The following PAPPA2 variants were observed in gnomAD, a reference collection of about 807,000 sequenced individuals.
PAPPA2 encodes the protein pappalysin 2.
In PAPPA2, 86 loss-of-function variants were observed where a neutral mutation model predicts 176.4. The observed-to-expected ratio is 0.49, with a 90% CI of 0.41 to 0.58. The LOEUF is 0.58. Among genes scored for constraint, PAPPA2 ranks in the 20% least tolerant of loss-of-function variants. The pLI, the probability that PAPPA2 is intolerant of heterozygous loss-of-function variation, is 0.00. For synonymous variants in PAPPA2, 809 were observed against 852.2 expected, an observed-to-expected ratio of 0.95 and a Z score of 0.88; for missense variants, 2,073 against 2,256.9, an observed-to-expected ratio of 0.92 and a Z score of 1.65.
At chr1:176,681,087 G>C (rs1659565949) in intron 4 of PAPPA2, among the ~76,000 whole-genome samples, 1 of 151,900 alleles carries the variant, frequency 6.6e-6, no homozygotes, top group Non-Finnish European at 1.5e-5. Context: ...GGAAGAGGGA[G>C]GGGGAATAGG....
intron 2 of PAPPA2, among the ~76,000 whole-genome samples, chr1:176,587,513 G>A (rs1007621156): frequency 6.6e-6 from 1 of 152,166 alleles, no homozygotes; most frequent in Non-Finnish European, 1.5e-5. Context: ...ACTATGGCTT[G>A]CCAGTTTTCC....
chr1:176,693,397 G>A (rs1660214149), intron 6 of PAPPA2, among the ~76,000 whole-genome samples: 2 of 152,180 alleles, frequency 1.3e-5, no homozygotes, highest in South Asian at 2.1e-4. Context: ...GTGGAAATTC[G>A]GGAATAAGGA....
intron 1 of PAPPA2, among the ~76,000 whole-genome samples, chr1:176,546,245 C>T (rs1334524859): frequency 2.0e-5 from 3 of 152,110 alleles, no homozygotes. Context: ...TTTTTGCTAC[C>T]CATTTTGATG....
intron 1 of PAPPA2, among the ~76,000 whole-genome samples, chr1:176,470,151 A>G (rs1167807030): frequency 1.3e-5 from 2 of 152,200 alleles, no homozygotes; most frequent in Non-Finnish European, 2.9e-5. Context: ...ACCTGCCTCC[A>G]TCTCCAAGCA....
At chr1:176,711,498 G>A (rs1321582802) in intron 11 of PAPPA2, among the ~76,000 whole-genome samples, 1 of 152,108 alleles carries the variant, frequency 6.6e-6, no homozygotes, top group East Asian at 1.9e-4. Flanking sequence ...GATGCTGCCT[G>A]GTAAGGGCTT....
intron 4 of PAPPA2, among the ~76,000 whole-genome samples, chr1:176,686,589 G>A (rs1659852240): frequency 6.6e-6 from 1 of 152,180 alleles, no homozygotes; most frequent in South Asian, 2.1e-4. Context: ...TCTGCAGCAG[G>A]TCTGAGAGTA....
chr1:176,690,414 C>G lies in PAPPA2; in HGVS notation c.2415C>G (p.Asn805Lys). 1 of 1,614,110 alleles carries G rather than the reference C, an allele frequency of 6.2e-7. No homozygotes were observed. The highest frequency in any genetic ancestry group is 8.5e-7 in the Non-Finnish European group (1 of 1,179,988). Residue 805 changes from asparagine to lysine, a missense_variant, in exon 5 of 23, where the codon AAC becomes AAG. Physicochemically the swap from Asn to Lys is moderately conservative, Grantham distance 94. Coordinates refer to ENST00000367662, the MANE Select transcript of PAPPA2 (RefSeq NM_020318.3). ...FTRFPGAPFTNYMSYTDDNCT... is the reference protein window; with the variant it reads ...FTRFPGAPFTKYMSYTDDNCT... Reference sequence around the variant, plus strand: ...GCTTCCCAGGGGCTCCGTTCACCAACTACATGAGCTACACGGGTATCACCA... The same window carrying G: ...GCTTCCCAGGGGCTCCGTTCACCAAGTACATGAGCTACACGGGTATCACCA...
chr1:176,593,472 C>T (rs10489477), intron 2 of PAPPA2, among the ~76,000 whole-genome samples: 40,742 of 152,104 alleles, frequency 0.27, 8,240 homozygotes, highest in African/African-American at 0.57. Context: ...CTTCATGTGA[C>T]TTATTAGTAA....
chr1:176,761,128 T>C (rs1304716464), intron 14 of PAPPA2, among the ~76,000 whole-genome samples: 1 of 152,104 alleles, frequency 6.6e-6, no homozygotes, highest in Non-Finnish European at 1.5e-5. Context: ...GCCAAAAACA[T>C]GTTTTAAAAC....
chr1:176,776,881 A>G (rs1348574830), intron 17 of PAPPA2, among the ~76,000 whole-genome samples: 1 of 150,800 alleles, frequency 6.6e-6, no homozygotes. Context: ...AGTAATTATA[A>G]TATTTTAGTG....
intron 3 of PAPPA2, among the ~76,000 whole-genome samples, chr1:176,651,689 T>C (rs1657735215): frequency 2.6e-5 from 4 of 151,690 alleles, no homozygotes; most frequent in Non-Finnish European, 5.9e-5. Context: ...AAGTTTTCTT[T>C]AGAAAGTTTT....
intron 3 of PAPPA2, among the ~76,000 whole-genome samples, chr1:176,617,654 A>G (rs967754766): frequency 3.9e-5 from 6 of 152,054 alleles, no homozygotes; most frequent in African/African-American, 4.8e-5. Context: ...GCGCATATAT[A>G]TATATATATA....
At chr1:176,588,793 G>A (rs1329004883) in intron 2 of PAPPA2, among the ~76,000 whole-genome samples, 1 of 152,174 alleles carries the variant, frequency 6.6e-6, no homozygotes, top group East Asian at 1.9e-4. Flanking sequence ...TCTAGCCAGG[G>A]GTGTGGGCAT....
chr1:176,549,150 C>T (rs6425390), intron 1 of PAPPA2, among the ~76,000 whole-genome samples: 20,482 of 152,152 alleles, frequency 0.13, 1,532 homozygotes, highest in South Asian at 0.18. Context: ...ATTTGAGTTG[C>T]AAAATATGTG....
Position 176,524,448 on chromosome 1 carries a change from T to C in PAPPA2, c.-916-30959T>C, listed in dbSNP as rs147798124. Among the ~76,000 whole-genome samples, 108 of 152,302 alleles carry C rather than the reference T, an allele frequency of 7.1e-4. No homozygotes were observed. The Middle Eastern group carries it at 0.01, about 14-fold the overall frequency. ...TAAATTTTCAAAGAAAACAGCATTA[T>C]AACAACTCAACACTACAAGGAAGAT... On this transcript the variant is annotated intron_variant, in intron 1 of 22. Coordinates refer to ENST00000367662, the MANE Select transcript of PAPPA2 (RefSeq NM_020318.3).
At position 176,821,422 on chromosome 1, in the gene PAPPA2, A is replaced by G. The variant is rs140052567; in HGVS notation, c.5203-18751A>G. Among the ~76,000 whole-genome samples, 436 of 152,344 alleles carry G rather than the reference A, an allele frequency of 2.9e-3. 1 individual carries two copies. Among genetic ancestry groups the G allele is most frequent in the African/African-American group, 9.9e-3 (410 of 41,586 alleles). On this transcript the variant is annotated intron_variant, in intron 21 of 22. Coordinates refer to ENST00000367662, the MANE Select transcript of PAPPA2 (RefSeq NM_020318.3). Reference sequence around the variant, plus strand: ...CAAAGATGTGAAAGGAAATGGCATGAAGCTGTCATCAAGTCTTTCTGTAAT... The same window carrying G: ...CAAAGATGTGAAAGGAAATGGCATGGAGCTGTCATCAAGTCTTTCTGTAAT...
chr1:176,582,223 G>A (rs1023148785), intron 2 of PAPPA2, among the ~76,000 whole-genome samples: 10 of 152,018 alleles, frequency 6.6e-5, no homozygotes, highest in Admixed American at 3.9e-4. Context: ...CACCGCGCCC[G>A]GCCTAGGTTT....
chr1:176,648,282 T>A (rs1657527701), intron 3 of PAPPA2, among the ~76,000 whole-genome samples: 1 of 151,610 alleles, frequency 6.6e-6, no homozygotes, highest in Non-Finnish European at 1.5e-5. Context: ...TATATGTGGA[T>A]TTTGTATCCT....
chr1:176,707,254 TA>T (rs1378336127), intron 10 of PAPPA2, among the ~76,000 whole-genome samples: 1 of 152,216 alleles, frequency 6.6e-6, no homozygotes, highest in African/African-American at 2.4e-5. Context: ...TGATTACAAT[TA>T]TGTATAATTT....
Sources: allele counts gnomAD v4.1 joint callset (sites outside exome capture counted in the v4.1 genomes callset), GRCh38; gene constraint gnomAD v4.1.1; transcripts MANE v1.5; gene names NCBI Gene and HGNC (gene_info 2026-07-23, HGNC 2026-07-21).